WASHC4: variants seen among roughly 807,000 people sequenced by gnomAD.
WASHC4 encodes WASH complex subunit 7.
WASHC4 carries 86 observed loss-of-function variants against 166.6 expected under a neutral mutation model. The ratio of observed to expected loss-of-function variants is 0.52; its 90% CI spans 0.43 to 0.62. WASHC4 has a LOEUF of 0.62. Ranked by LOEUF, WASHC4 falls within the 20% of genes least tolerant of loss-of-function variation. WASHC4 has a pLI of 0.00. For synonymous variants in WASHC4, 446 were observed against 451.6 expected, an observed-to-expected ratio of 0.99 and a Z score of 0.16; for missense variants, 1,262 against 1,382.4, an observed-to-expected ratio of 0.91 and a Z score of 1.38.
chr12:105,127,057 A>G, intron 12 of WASHC4, 72 bp from the exon 13 acceptor site: 1 of 1,284,210 alleles, frequency 7.8e-7, no homozygotes, highest in South Asian at 1.2e-5. Context: ...CATGTGTATT[A>G]TAGAACTTTT....
rs1266337575 is a variant in WASHC4, at chr12:105,143,039, G to A, written c.1894-88G>A. ...CATTTTTCCTTCAGATCGAGGTTTT[G>A]TCTTTCAAGATAATTAACTTTTGCA... On this transcript the variant is annotated intron_variant, in intron 19 of 32. Transcript: ENST00000332180. The A allele has an allele frequency of 1.2e-5, 10 of 820,478 alleles. No individual in the cohort carries two copies. The East Asian group carries it at 2.3e-4, about 19-fold the overall frequency. 50.8% of individuals were successfully genotyped at this position (820,478 alleles called of 1,614,324 possible).
chr12:105,119,755 G>T (rs966447821), intron 7 of WASHC4, among the ~76,000 whole-genome samples: 1 of 152,190 alleles, frequency 6.6e-6, no homozygotes, highest in African/African-American at 2.4e-5. Flanking sequence ...ATTCTATCTT[G>T]TGGAATATCT....
chr12:105,136,863 A>T (rs1230711702), intron 14 of WASHC4, among the ~76,000 whole-genome samples: 1 of 151,938 alleles, frequency 6.6e-6, no homozygotes, highest in Admixed American at 6.6e-5. Context: ...CCACAGAGAA[A>T]CTTTGTGTGT....
At chr12:105,155,991 G>T (rs1382050201) in intron 26 of WASHC4, among the ~76,000 whole-genome samples, 1 of 152,222 alleles carries the variant, frequency 6.6e-6, no homozygotes, top group Non-Finnish European at 1.5e-5. Flanking sequence ...CAGTGCTCCA[G>T]CCAAGAGCTG....
rs878860725 is a variant in WASHC4 at position 105,143,042 on chromosome 12, T to G, written c.1894-85T>G. The G allele has an allele frequency of 1.2e-5, 10 of 846,196 alleles. No individual in the cohort carries two copies. In the Admixed American group the frequency reaches 1.6e-4, roughly 13 times the overall value. The allele number at this position is 846,196 out of a possible 1,614,324, so 52.4% of individuals were successfully genotyped here. On this transcript the variant is annotated intron_variant, in intron 19 of 32. Transcript: ENST00000332180. ...TTTTCCTTCAGATCGAGGTTTTGTC[T>G]TTCAAGATAATTAACTTTTGCAGTA...
chr12:105,164,281 C>G lies in WASHC4; in HGVS notation c.3328C>G (p.Gln1110Glu). 6.2e-7 allele frequency: 1 copy of G among 1,613,930 alleles called. No homozygotes were observed. Among genetic ancestry groups the G allele is most frequent in the Non-Finnish European group, 8.5e-7 (1 of 1,179,870 alleles). Residue 1110 changes from glutamine (Q) to glutamate (E), a missense_variant, in exon 31 of 33, where the codon CAG (glutamine) becomes GAG (glutamate). Gln to Glu is a conservative substitution (Grantham distance 29). Transcript: ENST00000332180. ...ACTCTTACAAACCATGAATCTCACT[C>G]AGAAGCGACTGGATGTCTATCTACA... The part of the protein sequence containing the change: ...EKLLQTMNLT[Q>E]KRLDVYLQEF...
intron 13 of WASHC4, among the ~76,000 whole-genome samples, chr12:105,132,718 G>T (rs74747411): frequency 0.056 from 8,450 of 151,550 alleles, 792 homozygotes; most frequent in African/African-American, 0.19. Context: ...TCTCTGTGTA[G>T]CAGTTTCTTG....
chr12:105,111,414 A>G (rs992033000), intron 2 of WASHC4, 150 bp downstream of exon 2: 1 of 604,384 alleles, frequency 1.7e-6, no homozygotes, highest in East Asian at 2.9e-5. Flanking sequence ...CCTTTTCTCT[A>G]AGCCATGCAG....
At chr12:105,119,198 C>G (rs530682757) in intron 7 of WASHC4, among the ~76,000 whole-genome samples, 87 of 152,214 alleles carry the variant, frequency 5.7e-4, no homozygotes, top group African/African-American at 2.0e-3. Context: ...GTGCTCGTGC[C>G]ACTGAGGAGG....
At chr12:105,107,911 C>T in intron 1 of WASHC4, 50 bp downstream of exon 1, 1 of 1,385,148 alleles carries the variant, frequency 7.2e-7, no homozygotes, top group Non-Finnish European at 1.0e-6. Flanking sequence ...CTTCGGCCCG[C>T]CGCTGTTCTG....
intron 1 of WASHC4, among the ~76,000 whole-genome samples, chr12:105,110,879 ATATGT>A (rs1308190242): frequency 1.3e-5 from 2 of 152,142 alleles, no homozygotes; most frequent in African/African-American, 4.8e-5. Context: ...CTTTTTCATA[ATATGT>A]TAGGGTTTTA....
intron 15 of WASHC4, among the ~76,000 whole-genome samples, chr12:105,139,425 G>GTCTATATATATA: frequency 9.7e-6 from 1 of 103,190 alleles, no homozygotes; most frequent in Non-Finnish European, 2.0e-5. Context: ...ATGTGTGTGT[G>GTCTATATATATA]TATATATATA....
chr12:105,125,631 A>G (rs1332846811), intron 10 of WASHC4, among the ~76,000 whole-genome samples: 1 of 152,140 alleles, frequency 6.6e-6, no homozygotes, highest in Non-Finnish European at 1.5e-5. Flanking sequence ...ACATGCTATA[A>G]TAAAGTGCTA....
intron 18 of WASHC4, 30 bp from the exon 19 acceptor site, chr12:105,142,422 TG>T (rs758177070): frequency 8.0e-7 from 1 of 1,242,854 alleles, no homozygotes. Context: ...TCTTCAGTTT[TG>T]GTGTGACTGA....
intron 7 of WASHC4, among the ~76,000 whole-genome samples, chr12:105,120,321 A>C (rs909299610): frequency 6.6e-6 from 1 of 152,216 alleles, no homozygotes; most frequent in Non-Finnish European, 1.5e-5. Flanking sequence ...AGGTTGGTGC[A>C]AGAATTATTG....
rs183035425 is a variant in WASHC4 at position 105,152,489 on chromosome 12, A to G, written c.2758+38A>G. The G allele has an allele frequency of 5.3e-4, 559 of 1,061,162 alleles. 1 individual carries two copies. Among genetic ancestry groups the G allele is most frequent in the Non-Finnish European group, 7.4e-4 (499 of 675,830 alleles). 65.7% of individuals were successfully genotyped at this position (1,061,162 alleles called of 1,614,324 possible). A position where few individuals can be genotyped will look rare whatever the true frequency, so the allele number is the denominator to read the frequency against. ...AAAAGTGTTGGGAAATCAGGTACAGATCCCTACAGTCTATCTCATATATTA... is the reference window on the plus strand; with the variant it reads ...AAAAGTGTTGGGAAATCAGGTACAGGTCCCTACAGTCTATCTCATATATTA... On this transcript the variant is annotated intron_variant, in intron 26 of 32. Coordinates refer to ENST00000332180, the MANE Select transcript of WASHC4 (RefSeq NM_015275.3).
chr12:105,150,144 C>T (rs1799927989), intron 25 of WASHC4, among the ~76,000 whole-genome samples: 1 of 152,054 alleles, frequency 6.6e-6, no homozygotes, highest in African/African-American at 2.4e-5. Flanking sequence ...CTTTTAAAAG[C>T]AGTATAGTAA....
chr12:105,126,689 A>T (rs962764372), intron 12 of WASHC4, among the ~76,000 whole-genome samples: 2 of 152,046 alleles, frequency 1.3e-5, no homozygotes, highest in Non-Finnish European at 2.9e-5. Flanking sequence ...ATTTCTTTCT[A>T]TGTCTTTGCT....
chr12:105,167,183 A>G lies in WASHC4; in HGVS notation c.*252A>G. Reference sequence around the variant, plus strand: ...GAGGGTACAAGATGTTTCTATTTGAAGTGAAGTTATAAAAGGGCAAATCCA... The same window carrying G: ...GAGGGTACAAGATGTTTCTATTTGAGGTGAAGTTATAAAAGGGCAAATCCA... On this transcript the variant is annotated 3_prime_UTR_variant, in exon 33 of 33. Coordinates refer to ENST00000332180, the MANE Select transcript of WASHC4 (RefSeq NM_015275.3). 1 of 455,636 alleles carries G rather than the reference A, an allele frequency of 2.2e-6. No homozygotes were observed. Among genetic ancestry groups the G allele is most frequent in the Non-Finnish European group, 4.0e-6 (1 of 251,184 alleles). The allele number at this position is 455,636 out of a possible 1,614,324, so 28.2% of individuals were successfully genotyped here.
Sources: allele counts gnomAD v4.1 joint callset (sites outside exome capture counted in the v4.1 genomes callset), GRCh38; gene constraint gnomAD v4.1.1; transcripts MANE v1.5; gene names NCBI Gene and HGNC (gene_info 2026-07-23, HGNC 2026-07-21).